Variants in PLEKHA2 observed in about 807,000 individuals in gnomAD.
PLEKHA2 encodes pleckstrin homology domain containing A2.
In PLEKHA2, 28 loss-of-function variants were observed where a neutral mutation model predicts 53.2. The observed-to-expected ratio is 0.53, with a 90% CI of 0.39 to 0.72. The LOEUF is 0.72. Among genes scored for constraint, PLEKHA2 ranks in the 30% least tolerant of loss-of-function variants. PLEKHA2 has a pLI of 0.00. For synonymous variants in PLEKHA2, 193 were observed against 196.4 expected, an observed-to-expected ratio of 0.98 and a Z score of 0.14; for missense variants, 426 against 537.9, an observed-to-expected ratio of 0.79 and a Z score of 2.06.
At chr8:38,968,898 CTTTTTTT>C (rs761821480) in intron 11 of PLEKHA2, 11 of 250,704 alleles carry the variant, frequency 4.4e-5, no homozygotes, top group Middle Eastern at 1.3e-3. Flanking sequence ...AATGGAATTT[CTTTTTTT>C]TTTTTTTTTT....
chr8:38,961,875 T>A (rs1316554675), intron 10 of PLEKHA2, among the ~76,000 whole-genome samples: 1 of 152,232 alleles, frequency 6.6e-6, no homozygotes, highest in African/African-American at 2.4e-5. Context: ...TACCCTGTGA[T>A]TTCTCACACT....
chr8:38,967,786 C>T (rs1167298622), intron 10 of PLEKHA2, among the ~76,000 whole-genome samples: 1 of 151,882 alleles, frequency 6.6e-6, no homozygotes, highest in Non-Finnish European at 1.5e-5. Flanking sequence ...CTCAGCCTCC[C>T]AAATAGCTGG....
intron 3 of PLEKHA2, among the ~76,000 whole-genome samples, chr8:38,937,344 C>G (rs530046225): frequency 2.0e-5 from 3 of 152,302 alleles, no homozygotes; most frequent in South Asian, 4.1e-4. Context: ...CCAGGCCTGC[C>G]CGCCCTCCCT....
At chr8:38,906,912 G>A (rs1833885360) in intron 1 of PLEKHA2, among the ~76,000 whole-genome samples, 1 of 152,170 alleles carries the variant, frequency 6.6e-6, no homozygotes, top group African/African-American at 2.4e-5. Flanking sequence ...GTGAGTGACT[G>A]CTCCATATCT....
intron 2 of PLEKHA2, among the ~76,000 whole-genome samples, chr8:38,932,007 T>TA (rs1834402451): frequency 6.6e-6 from 1 of 152,152 alleles, no homozygotes; most frequent in Non-Finnish European, 1.5e-5. Flanking sequence ...TTTTAATAAA[T>TA]AGAGTCAGGG....
At chr8:38,933,157 G>C (rs1834424798) in intron 2 of PLEKHA2, among the ~76,000 whole-genome samples, 1 of 152,104 alleles carries the variant, frequency 6.6e-6, no homozygotes, top group East Asian at 1.9e-4. Context: ...AGGCTGCTGG[G>C]CTGTGGTTTG....
chr8:38,945,978 G>C, intron 4 of PLEKHA2, 146 bp from the exon 5 acceptor site: 1 of 639,646 alleles, frequency 1.6e-6, no homozygotes, highest in Non-Finnish European at 2.7e-6. Context: ...CCAGGCAAAT[G>C]ACTTAGCATC....
chr8:38,929,626 G>A (rs531950329), intron 2 of PLEKHA2, among the ~76,000 whole-genome samples: 7 of 152,320 alleles, frequency 4.6e-5, no homozygotes, highest in African/African-American at 1.7e-4. Flanking sequence ...TTAGGATTAG[G>A]CGACCACATG....
At chr8:38,962,399 G>T (rs1835056839) in intron 10 of PLEKHA2, among the ~76,000 whole-genome samples, 1 of 152,140 alleles carries the variant, frequency 6.6e-6, no homozygotes, top group African/African-American at 2.4e-5. Flanking sequence ...GATATAGAGG[G>T]TGTGGTCACA....
At chr8:38,952,935 T>C (rs1374034380) in intron 8 of PLEKHA2, among the ~76,000 whole-genome samples, 1 of 151,968 alleles carries the variant, frequency 6.6e-6, no homozygotes, top group Non-Finnish European at 1.5e-5. Flanking sequence ...CTTCTTCTTA[T>C]ATTTTTTTGT....
intron 2 of PLEKHA2, among the ~76,000 whole-genome samples, chr8:38,923,462 C>T (rs1247182866): frequency 1.3e-5 from 2 of 152,320 alleles, no homozygotes; most frequent in African/African-American, 4.8e-5. Context: ...CTGCCTTGGC[C>T]TCCCAAAGTG....
intron 10 of PLEKHA2, among the ~76,000 whole-genome samples, chr8:38,962,781 T>C (rs949557172): frequency 6.6e-6 from 1 of 152,248 alleles, no homozygotes; most frequent in Admixed American, 6.5e-5. Context: ...TAGGGTGCTA[T>C]GTCAGGACAA....
chr8:38,967,398 T>C (rs1472698419), intron 10 of PLEKHA2, among the ~76,000 whole-genome samples: 2 of 152,198 alleles, frequency 1.3e-5, no homozygotes, highest in African/African-American at 4.8e-5. Context: ...TGAATGGTAG[T>C]TCTATTTTTA....
At chr8:38,903,820 C>A (rs559075547) in intron 1 of PLEKHA2, among the ~76,000 whole-genome samples, 1 of 152,112 alleles carries the variant, frequency 6.6e-6, no homozygotes, top group African/African-American at 2.4e-5. Flanking sequence ...CGACTTATTC[C>A]GGTTGTGATA....
intron 1 of PLEKHA2, among the ~76,000 whole-genome samples, chr8:38,916,085 C>G (rs957787460): frequency 6.6e-6 from 1 of 152,168 alleles, no homozygotes; most frequent in Non-Finnish European, 1.5e-5. Flanking sequence ...AAGCGATTCT[C>G]CTACCTCAGC....
chr8:38,969,941 CTGTGTG>C lies in PLEKHA2; in HGVS notation c.*190_*195del, dbSNP rs150722357. 326 of 697,638 alleles carry C rather than the reference CTGTGTG, an allele frequency of 4.7e-4. No individual in the cohort carries two copies. The highest frequency in any genetic ancestry group is 2.7e-3 in the South Asian group (128 of 48,232). The allele number at this position is 697,638 out of a possible 1,614,324, so 43.2% of individuals were successfully genotyped here. ...GGAGGGAGGGGCCCATCCAGCTGGG[CTGTGTG>C]TGTGTGTGTGTGTGTGTGTGTGTGT... is the stretch of plus-strand genomic sequence containing the variant. On this transcript the variant is annotated 3_prime_UTR_variant, in exon 12 of 12. Transcript: ENST00000617275.
At chr8:38,905,337 A>G (rs1833854302) in intron 1 of PLEKHA2, among the ~76,000 whole-genome samples, 1 of 152,086 alleles carries the variant, frequency 6.6e-6, no homozygotes, top group Non-Finnish European at 1.5e-5. Flanking sequence ...GTGCGCCTGT[A>G]GTCCCAGCTA....
chr8:38,937,814 C>T (rs1033293776), intron 3 of PLEKHA2, among the ~76,000 whole-genome samples: 5 of 152,132 alleles, frequency 3.3e-5, no homozygotes, highest in African/African-American at 1.2e-4. Flanking sequence ...CTCAGCATTC[C>T]AGGTCATTAT....
chr8:38,933,563 T>C (rs755937544), intron 2 of PLEKHA2, among the ~76,000 whole-genome samples: 61 of 151,928 alleles, frequency 4.0e-4, no homozygotes, highest in Non-Finnish European at 7.7e-4. Flanking sequence ...GGACCCTTAG[T>C]CCTCAGCAGA....
Sources: allele counts gnomAD v4.1 joint callset (sites outside exome capture counted in the v4.1 genomes callset), GRCh38; gene constraint gnomAD v4.1.1; transcripts MANE v1.5; gene names NCBI Gene and HGNC (gene_info 2026-07-23, HGNC 2026-07-21).